NAV3: variants seen among roughly 807,000 people sequenced by gnomAD.
The protein encoded by NAV3 is pore membrane and/or filament interacting like protein 1.
In NAV3, 87 loss-of-function variants were observed where a neutral mutation model predicts 244.7. The observed-to-expected ratio is 0.36, with a 90% CI of 0.30 to 0.42. The LOEUF (loss-of-function observed/expected upper bound fraction) is 0.42. Ranked by LOEUF, NAV3 falls within the 20% of genes least tolerant of loss-of-function variation. NAV3 has a pLI of 1.00. For missense variants in NAV3, 2,663 were observed against 2,893.3 expected, an observed-to-expected ratio of 0.92 and a Z score of 1.83; for synonymous variants, 1,126 against 1,042.2, an observed-to-expected ratio of 1.08 and a Z score of -1.55.
chr12:77,725,536 A>C (rs1363904874), intron 2 of NAV3, among the ~76,000 whole-genome samples: 1 of 151,828 alleles, frequency 6.6e-6, no homozygotes, highest in Non-Finnish European at 1.5e-5. Context: ...GGCAGTCTTA[A>C]GCCCAATGCT....
At chr12:77,591,126 G>A (rs1375911836) in intron 2 of NAV3, among the ~76,000 whole-genome samples, 1 of 152,148 alleles carries the variant, frequency 6.6e-6, no homozygotes, top group African/African-American at 2.4e-5. Context: ...GATAAAAACT[G>A]CTTCCTTTTG....
intron 2 of NAV3, among the ~76,000 whole-genome samples, chr12:77,731,785 G>A (rs1592628111): frequency 6.6e-6 from 1 of 152,038 alleles, no homozygotes; most frequent in African/African-American, 2.4e-5. Context: ...AAATGTTTAT[G>A]TGTAGAATTT....
chr12:77,585,720 T>A (rs1869574201), intron 2 of NAV3, among the ~76,000 whole-genome samples: 1 of 152,180 alleles, frequency 6.6e-6, no homozygotes, highest in Non-Finnish European at 1.5e-5. Context: ...TCCTCGCCTG[T>A]CACTCAGCTC....
At chr12:77,880,394 G>A (rs1882476999) in intron 1 of NAV3, among the ~76,000 whole-genome samples, 2 of 152,070 alleles carry the variant, frequency 1.3e-5, no homozygotes, top group Non-Finnish European at 2.9e-5. Flanking sequence ...TCTATTTGGG[G>A]TAGAAGATGG....
chr12:78,052,665 T>A (rs759387299), intron 11 of NAV3, among the ~76,000 whole-genome samples: 11 of 152,150 alleles, frequency 7.2e-5, no homozygotes, highest in Admixed American at 1.3e-4. Flanking sequence ...ATTATCATTT[T>A]TGTATGTATT....
chr12:77,610,480 A>G (rs1021423229), intron 2 of NAV3, among the ~76,000 whole-genome samples: 4 of 152,092 alleles, frequency 2.6e-5, no homozygotes, highest in Admixed American at 2.6e-4. Context: ...CCAGAACTGC[A>G]ATGTTGAAAG....
chr12:78,134,351 C>G (rs1956286866), intron 18 of NAV3, among the ~76,000 whole-genome samples: 1 of 152,038 alleles, frequency 6.6e-6, no homozygotes, highest in South Asian at 2.1e-4. Flanking sequence ...TTCTTTAAAC[C>G]CACCAATGAC....
intron 1 of NAV3, among the ~76,000 whole-genome samples, chr12:77,874,156 C>CA (rs1386513587): frequency 2.6e-5 from 4 of 151,940 alleles, no homozygotes; most frequent in Admixed American, 6.6e-5. Context: ...TCCCTGGTGC[C>CA]AAAAAAAGTT....
chr12:77,623,469 A>G (rs1019144154), intron 2 of NAV3, among the ~76,000 whole-genome samples: 26 of 152,356 alleles, frequency 1.7e-4, no homozygotes, highest in African/African-American at 6.0e-4. Context: ...TCTCCTGTAC[A>G]ACAGAGAATT....
chr12:77,958,011 C>T (rs1187438237), intron 3 of NAV3, among the ~76,000 whole-genome samples: 1 of 152,150 alleles, frequency 6.6e-6, no homozygotes, highest in African/African-American at 2.4e-5. Flanking sequence ...ATGTCAAGAA[C>T]ACGTGTTAAC....
intron 2 of NAV3, among the ~76,000 whole-genome samples, chr12:77,790,146 C>A (rs1053801275): frequency 2.6e-5 from 4 of 152,162 alleles, no homozygotes; most frequent in Non-Finnish European, 5.9e-5. Flanking sequence ...CCTCTCAGTG[C>A]CCCTACTGTC....
intron 12 of NAV3, among the ~76,000 whole-genome samples, chr12:78,060,040 A>G (rs1884104091): frequency 6.6e-6 from 1 of 151,898 alleles, no homozygotes; most frequent in Non-Finnish European, 1.5e-5. Flanking sequence ...GATTTATCAG[A>G]ATCATCACTG....
chr12:77,753,281 T>C (rs1868954546), intron 2 of NAV3, among the ~76,000 whole-genome samples: 1 of 152,232 alleles, frequency 6.6e-6, no homozygotes, highest in Non-Finnish European at 1.5e-5. Context: ...ATGAGCACCC[T>C]GTCTTGCACA....
upstream of NAV3, among the ~76,000 whole-genome samples, chr12:77,828,823 T>C (rs753861748): frequency 7.2e-5 from 11 of 152,222 alleles, no homozygotes; most frequent in Admixed American, 2.6e-4. Context: ...GTGAATCCTT[T>C]TTTTTCAATC....
intron 1 of NAV3, among the ~76,000 whole-genome samples, chr12:77,917,420 A>G (rs1720411416): frequency 6.6e-6 from 1 of 152,058 alleles, no homozygotes; most frequent in African/African-American, 2.4e-5. Context: ...AACACCATGT[A>G]AAAAAGCAAG....
intron 9 of NAV3, among the ~76,000 whole-genome samples, chr12:78,044,514 C>G (rs1010165417): frequency 6.6e-6 from 1 of 152,010 alleles, no homozygotes; most frequent in Non-Finnish European, 1.5e-5. Context: ...CTCTAAATTA[C>G]TTTGGGCAGT....
intron 12 of NAV3, among the ~76,000 whole-genome samples, chr12:78,104,041 A>G (rs548296778): frequency 6.6e-6 from 1 of 152,338 alleles, no homozygotes; most frequent in Non-Finnish European, 1.5e-5. Context: ...CAGTATTCTT[A>G]TGATTGTAGT....
At chr12:77,640,854 T>C (rs1343733304) in intron 2 of NAV3, among the ~76,000 whole-genome samples, 1 of 152,130 alleles carries the variant, frequency 6.6e-6, no homozygotes, top group African/African-American at 2.4e-5. Context: ...CACACCCAAG[T>C]AAACATGGAT....
chr12:78,106,914 C>A (rs1241739550), intron 12 of NAV3, among the ~76,000 whole-genome samples: 1 of 152,192 alleles, frequency 6.6e-6, no homozygotes, highest in Non-Finnish European at 1.5e-5. Flanking sequence ...ATAACCACAC[C>A]CTAACCTACC....
Sources: allele counts gnomAD v4.1 joint callset (sites outside exome capture counted in the v4.1 genomes callset), GRCh38; gene constraint gnomAD v4.1.1; transcripts MANE v1.5; gene names NCBI Gene and HGNC (gene_info 2026-07-23, HGNC 2026-07-21).